TENT5D: variants seen among roughly 807,000 people sequenced by gnomAD.
TENT5D encodes the protein cancer/testis antigen 112.
For missense variants in TENT5D, 191 were observed against 287.0 expected (o/e 0.67, Z 2.42); for synonymous variants, 103 against 100.6 (o/e 1.02, Z -0.15).
chrX:80,368,570 A>G lies in TENT5D; in HGVS notation c.-142+26006A>G, dbSNP rs764040251. ...ATTATTTATTGCAGTCAATTGATTT[A>G]AATTTTATGTATATCTTTGCCAAAG... On this transcript the variant is annotated intron_variant, in intron 3 of 4. Transcript: ENST00000538312. 4.5e-4 allele frequency among the ~76,000 whole-genome samples: 50 copies of G among 111,960 alleles called. 1 individual carries two copies. The South Asian group carries it at 0.018, about 41-fold the overall frequency.
intron 1 of TENT5D, among the ~76,000 whole-genome samples, chrX:80,423,087 T>G (rs928408084): frequency 6.5e-4 from 73 of 112,137 alleles, no homozygotes; most frequent in African/African-American, 2.3e-3. Context: ...AGCTTGCTTC[T>G]CTGAAATTGG....
chrX:80,443,946 T>C lies in TENT5D; in HGVS notation c.*237T>C, dbSNP rs564298911. The C allele has an allele frequency of 1.7e-4, 53 of 306,769 alleles. No homozygotes were observed. The South Asian group carries it at 7.0e-3, about 40-fold the overall frequency. The allele number at this position is 306,769 out of a possible 1,213,427, so 25.3% of individuals were successfully genotyped here. On this transcript the variant is annotated 3_prime_UTR_variant, in exon 3 of 3. Coordinates refer to ENST00000308293, the Ensembl canonical transcript of TENT5D. The stretch of plus-strand genomic sequence containing the variant: ...TTCAAACGTTATTGACTAGCTATAA[T>C]AACTTTCAAATGTTGTGTTCCCCTT...
chrX:80,398,007 G>A (rs1931317980), intron 3 of TENT5D, among the ~76,000 whole-genome samples: 1 of 111,720 alleles, frequency 9.0e-6, no homozygotes, highest in South Asian at 3.7e-4. Context: ...TTTTCATAAT[G>A]GCTGTACTAG....
intron 3 of TENT5D, among the ~76,000 whole-genome samples, chrX:80,411,494 A>C (rs1931665870): frequency 8.9e-6 from 1 of 111,744 alleles, no homozygotes; most frequent in Non-Finnish European, 1.9e-5. Flanking sequence ...TTCTCATATA[A>C]AATTATTTTT....
rs752090911 is a variant in TENT5D, at chrX:80,422,434, C to G, written c.-142+1871C>G. On this transcript the variant is annotated intron_variant, in intron 1 of 2. Coordinates refer to ENST00000308293, the Ensembl canonical transcript of TENT5D. Reference sequence around the variant, plus strand: ...ATTGCAGTGAGCTGAGATCGCGCCACTACACTCCAGCCTGGCAACAGAGCT... The same window carrying G: ...ATTGCAGTGAGCTGAGATCGCGCCAGTACACTCCAGCCTGGCAACAGAGCT... Among the ~76,000 whole-genome samples, 3 of 112,061 alleles carry G rather than the reference C, an allele frequency of 2.7e-5. No homozygotes were observed. The Admixed American group carries it at 2.8e-4, about 11-fold the overall frequency.
chrX:80,413,750 C>G (rs756950855), intron 3 of TENT5D, among the ~76,000 whole-genome samples: 2 of 111,794 alleles, frequency 1.8e-5, no homozygotes, highest in African/African-American at 6.5e-5. Context: ...TTCCCAGTTT[C>G]GGGTATGTAT....
chrX:80,418,440 G>A (rs1931820423), upstream of TENT5D, among the ~76,000 whole-genome samples: 1 of 111,618 alleles, frequency 9.0e-6, no homozygotes. Flanking sequence ...AAAAGTATAT[G>A]TATCCAAAAT....
chrX:80,366,192 AAGAG>A (rs924992992), intron 3 of TENT5D, among the ~76,000 whole-genome samples: 38 of 80,751 alleles, frequency 4.7e-4, no homozygotes, highest in Middle Eastern at 6.7e-3. Context: ...GAGAGAGAGA[AAGAG>A]AGAAGACAGG....
At chrX:80,372,390 A>T (rs1030292673) in intron 3 of TENT5D, among the ~76,000 whole-genome samples, 1 of 112,041 alleles carries the variant, frequency 8.9e-6, no homozygotes, top group Non-Finnish European at 1.9e-5. Flanking sequence ...TTGCAAATTT[A>T]ACTTCACAAA....
At chrX:80,344,691 G>A (rs918078076) in intron 3 of TENT5D, among the ~76,000 whole-genome samples, 2 of 110,868 alleles carry the variant, frequency 1.8e-5, no homozygotes, top group Non-Finnish European at 3.8e-5. Context: ...AGAAGTGGTA[G>A]TGCTTAGTAA....
At chrX:80,443,816 A>G (rs913549675) in exon 3 of TENT5D, 3 of 705,219 alleles carry the variant, frequency 4.3e-6, no homozygotes, top group African/African-American at 4.4e-5. Flanking sequence ...ACAGTTACCA[A>G]TTATTTTCAA....
intron 3 of TENT5D, among the ~76,000 whole-genome samples, chrX:80,393,074 T>C (rs1307788690): frequency 9.1e-6 from 1 of 109,669 alleles, no homozygotes; most frequent in Admixed American, 9.8e-5. Context: ...TCAGGAAAAA[T>C]TTTTTTATAT....
rs1384169475 is a variant in TENT5D, at chrX:80,381,211, C to G, written c.-142+38647C>G. ...TGTGAAGGATTTTATTTCCCCTTCA[C>G]TTATGAAGCTTAGTTTGGCTGGATA... is the stretch of plus-strand genomic sequence containing the variant. On this transcript the variant is annotated intron_variant, in intron 3 of 4. Coordinates refer to the TENT5D transcript ENST00000538312. Among the ~76,000 whole-genome samples, 3 of 111,211 alleles carry G rather than the reference C, an allele frequency of 2.7e-5. No individual in the cohort carries two copies. The South Asian group carries it at 1.1e-3, about 42-fold the overall frequency.
intron 1 of TENT5D, among the ~76,000 whole-genome samples, chrX:80,434,052 G>A (rs1436912950): frequency 9.2e-6 from 1 of 108,991 alleles, no homozygotes; most frequent in African/African-American, 3.4e-5. Flanking sequence ...CAGGAGAATC[G>A]CTTGAACCTG....
chrX:80,370,315 G>A (rs1930599238), intron 3 of TENT5D, among the ~76,000 whole-genome samples: 1 of 111,073 alleles, frequency 9.0e-6, no homozygotes, highest in African/African-American at 3.3e-5. Context: ...GATGTGATAC[G>A]CTACAATTAA....
At chrX:80,407,158 A>G (rs1931517358) in intron 3 of TENT5D, among the ~76,000 whole-genome samples, 1 of 109,497 alleles carries the variant, frequency 9.1e-6, no homozygotes, top group African/African-American at 3.3e-5. Context: ...GCCAAAATGT[A>G]AAGACCATCG....
intron 3 of TENT5D, among the ~76,000 whole-genome samples, chrX:80,348,257 C>T (rs1187656439): frequency 8.9e-6 from 1 of 111,864 alleles, no homozygotes; most frequent in Non-Finnish European, 1.9e-5. Flanking sequence ...TTACTTTGGT[C>T]AGTATGGCCA....
At chrX:80,394,668 A>G (rs1382718619) in intron 3 of TENT5D, among the ~76,000 whole-genome samples, 1 of 110,918 alleles carries the variant, frequency 9.0e-6, no homozygotes, top group Non-Finnish European at 1.9e-5. Flanking sequence ...TGCTGGGATT[A>G]CAGGCGTGAG....
chrX:80,398,782 T>TA (rs1408320576), intron 3 of TENT5D, among the ~76,000 whole-genome samples: 1 of 110,868 alleles, frequency 9.0e-6, no homozygotes, highest in Non-Finnish European at 1.9e-5. Flanking sequence ...CTTTTTTTTT[T>TA]ATAATGCCAG....
Sources: gnomAD v4.1 joint callset for allele counts (sites outside exome capture counted in the v4.1 genomes callset) on GRCh38, gnomAD v4.1.1 for gene constraint, MANE v1.5 for transcripts, NCBI Gene and HGNC (gene_info 2026-07-23, HGNC 2026-07-21) for gene names.